SEC14L3: variants seen among roughly 807,000 people sequenced by gnomAD.
The protein encoded by SEC14L3 is SEC14-like protein 3.
A neutral mutation model predicts 57.4 loss-of-function variants in SEC14L3; 56 were observed. That is an observed-to-expected ratio of 0.97 (90% confidence interval 0.79 to 1.22). The LOEUF (loss-of-function observed/expected upper bound fraction) is 1.22, where lower values mean the gene tolerates loss of function less well. Ranked by LOEUF, SEC14L3 falls within the 50% of genes most tolerant of loss-of-function variation. The pLI is 0.00. For synonymous variants in SEC14L3, 173 were observed against 194.4 expected (o/e 0.89, Z 0.92); for missense variants, 485 against 511.7 (o/e 0.95, Z 0.50).
At chr22:30,469,632 G>T (rs1323811251) in intron 4 of SEC14L3, among the ~76,000 whole-genome samples, 4 of 152,200 alleles carry the variant, frequency 2.6e-5, no homozygotes. Flanking sequence ...TAGGGGGCAG[G>T]GGTGCAGAAG....
intron 12 of SEC14L3, among the ~76,000 whole-genome samples, chr22:30,454,058 C>G (rs1192907846): frequency 1.3e-5 from 2 of 152,158 alleles, no homozygotes. Flanking sequence ...CCAGGCACTC[C>G]TGGCCTTTGT....
intron 1 of SEC14L3, 123 bp from the exon 2 acceptor site, chr22:30,470,705 G>T: frequency 6.5e-7 from 1 of 1,527,112 alleles, no homozygotes; most frequent in Non-Finnish European, 8.8e-7. Context: ...TTGATGAAAG[G>T]ATGGGTTAAT....
At chr22:30,448,009 T>G (rs1934911283) in exon 13 of SEC14L3, 1 of 151,396 alleles carries the variant, frequency 6.6e-6, no homozygotes, top group Non-Finnish European at 1.5e-5. Flanking sequence ...GTCTTGCTAC[T>G]TGGTAAGTTC....
At chr22:30,470,612 TC>T in intron 1 of SEC14L3, 30 bp from the exon 2 acceptor site, 1 of 1,614,062 alleles carries the variant, frequency 6.2e-7, no homozygotes, top group Non-Finnish European at 8.5e-7. Flanking sequence ...TTAAAGTGGC[TC>T]TCTCACATTG....
chr22:30,454,777 T>A (rs1359859901), downstream of SEC14L3, among the ~76,000 whole-genome samples: 1 of 76,436 alleles, frequency 1.3e-5, no homozygotes, highest in East Asian at 4.5e-4. Context: ...TATAATATAT[T>A]ATTATATATT....
At chr22:30,466,571 T>C (rs530652982) in intron 6 of SEC14L3, 177 bp from the exon 7 acceptor site, 1 of 171,962 alleles carries the variant, frequency 5.8e-6, no homozygotes, top group African/African-American at 2.4e-5. Flanking sequence ...AACCATACTC[T>C]AATAATAATT....
Position 30,459,962 on chromosome 22 carries a change from G to A in SEC14L3, c.*59C>T, listed in dbSNP as rs1481661160. On this transcript the variant is annotated 3_prime_UTR_variant, in exon 12 of 12. Transcript: ENST00000215812. ...AATCAATTTCAGGGAGGGAGGGAGT[G>A]TAGGATATAAACAGAGAAATCAAAG... is the stretch of plus-strand genomic sequence containing the variant. 7 of 1,586,450 alleles carry A rather than the reference G, an allele frequency of 4.4e-6. No homozygotes were observed. The highest frequency in any genetic ancestry group is 1.7e-5 in the Admixed American group (1 of 57,792).
rs1332246942 is a variant in SEC14L3 at position 30,461,563 on chromosome 22, G to A, written c.903C>T (p.Cys301=). ...TTAGGGCCTGCCCCTACCTGAGAACGCAGCCTGGAAATAGGATCTCGTATT... is the reference window on the plus strand; with the variant it reads ...TTAGGGCCTGCCCCTACCTGAGAACACAGCCTGGAAATAGGATCTCGTATT... ...QVEYEILFPG[C]VLRWQFSSDG... Residue 301 remains cysteine, a synonymous_variant, in exon 10 of 12, where the codon TGC becomes TGT. Transcript: ENST00000215812. The A allele has an allele frequency of 1.3e-5, 21 of 1,613,986 alleles. No homozygotes were observed. The highest frequency in any genetic ancestry group is 1.6e-5 in the Non-Finnish European group (19 of 1,180,028).
intron 8 of SEC14L3, among the ~76,000 whole-genome samples, chr22:30,462,561 C>A (rs1935300910): frequency 6.6e-6 from 1 of 152,086 alleles, no homozygotes; most frequent in East Asian, 1.9e-4. Context: ...CATGTACCAC[C>A]ATGCCTGGCT....
chr22:30,450,899 C>G (rs1389206675), intron 12 of SEC14L3, among the ~76,000 whole-genome samples: 1 of 152,236 alleles, frequency 6.6e-6, no homozygotes, highest in Non-Finnish European at 1.5e-5. Context: ...CCAGAGAGGC[C>G]AAGTGACCAC....
In SEC14L3 at chr22:30,466,323, T is replaced by C. The variant is rs1206433079; in HGVS notation, c.580+11A>G. The C allele has an allele frequency of 6.2e-7, 1 of 1,612,510 alleles. No individual in the cohort carries two copies. Among genetic ancestry groups the C allele is most frequent in the Admixed American group, 1.7e-5 (1 of 60,022 alleles). On this transcript the variant is annotated intron_variant, in intron 7 of 11. Coordinates refer to ENST00000215812, the MANE Select transcript of SEC14L3 (RefSeq NM_174975.5). ...CAGAGGCACAAGTAAGTGAAGTCAT[T>C]TGTCACATACCTTTCACGATGAGCA... is the stretch of plus-strand genomic sequence containing the variant.
downstream of SEC14L3, among the ~76,000 whole-genome samples, chr22:30,458,793 C>G (rs1935164112): frequency 6.6e-6 from 1 of 152,092 alleles, no homozygotes; most frequent in Admixed American, 6.5e-5. Flanking sequence ...GGGTAAATCA[C>G]TTGAGGCCAG....
chr22:30,451,432 T>A (rs1219377082), intron 12 of SEC14L3, among the ~76,000 whole-genome samples: 3 of 152,010 alleles, frequency 2.0e-5, no homozygotes, highest in Non-Finnish European at 2.9e-5. Flanking sequence ...CGGCCCCCCC[T>A]TACCAAACAA....
At chr22:30,451,994 AAAAAAAAAAAAAAAAG>A (rs1181395534) in intron 12 of SEC14L3, among the ~76,000 whole-genome samples, 1 of 142,034 alleles carries the variant, frequency 7.0e-6, no homozygotes, top group Non-Finnish European at 1.5e-5. Flanking sequence ...TCCATCTCAA[AAAAAAAAAAAAAAAAG>A]AAAAAAGAAA....
At chr22:30,456,788 G>A (rs1186973089), downstream of SEC14L3, among the ~76,000 whole-genome samples, 1 of 152,198 alleles carries the variant, frequency 6.6e-6, no homozygotes, top group Non-Finnish European at 1.5e-5. Context: ...ATTCAGGACT[G>A]GAGCTGAGCA....
Position 30,459,737 on chromosome 22 carries a change from G to T in SEC14L3, c.*284C>A, listed in dbSNP as rs965247736. 3.6e-6 allele frequency: 4 copies of T among 1,121,348 alleles called. No homozygotes were observed. Among genetic ancestry groups the T allele is most frequent in the Non-Finnish European group, 4.4e-6 (4 of 911,080 alleles). 69.5% of individuals were successfully genotyped at this position (1,121,348 alleles called of 1,614,324 possible). ...TGCCTTAGGGTAGGTGAGGACAAAG[G>T]CTAGGGGATTCATTTTGCTATTTAT... is the stretch of plus-strand genomic sequence containing the variant. On this transcript the variant is annotated 3_prime_UTR_variant, in exon 12 of 12. Coordinates refer to ENST00000215812, the MANE Select transcript of SEC14L3 (RefSeq NM_174975.5).
chr22:30,463,615 C>T (rs78898330), intron 8 of SEC14L3, among the ~76,000 whole-genome samples: 3,983 of 152,196 alleles, frequency 0.026, 182 homozygotes, highest in African/African-American at 0.092. Context: ...GCTCAGGTAC[C>T]AGGAAGAAAG....
intron 11 of SEC14L3, among the ~76,000 whole-genome samples, chr22:30,461,003 T>C (rs892643603): frequency 6.6e-6 from 1 of 151,962 alleles, no homozygotes; most frequent in African/African-American, 2.4e-5. Flanking sequence ...TCTGCACAAG[T>C]TGATTTATTT....
chr22:30,454,384 T>A (rs12627940), downstream of SEC14L3, among the ~76,000 whole-genome samples: 7,640 of 151,526 alleles, frequency 0.05, 232 homozygotes, highest in East Asian at 0.076. Flanking sequence ...AGGAGGAAAT[T>A]GATATGGAAT....
Sources: allele counts gnomAD v4.1 joint callset (sites outside exome capture counted in the v4.1 genomes callset), GRCh38; gene constraint gnomAD v4.1.1; transcripts MANE v1.5; gene names NCBI Gene and HGNC (gene_info 2026-07-23, HGNC 2026-07-21).